The following SPAG16 variants were observed in gnomAD, a reference collection of about 807,000 sequenced individuals.
SPAG16 encodes the protein sperm-associated antigen 16 protein.
SPAG16 carries 86 observed loss-of-function variants against 80.4 expected under a neutral mutation model. The observed-to-expected ratio is 1.07, with a 90% CI of 0.90 to 1.28. The LOEUF is 1.28. SPAG16 is among the 50% of genes most tolerant of loss of function. The pLI, the probability that SPAG16 is intolerant of heterozygous loss-of-function variation, is 0.00. For synonymous variants in SPAG16, 294 were observed against 265.9 expected, an observed-to-expected ratio of 1.11 and a Z score of -1.03; for missense variants, 870 against 765.3, an observed-to-expected ratio of 1.14 and a Z score of -1.61.
intron 10 of SPAG16, among the ~76,000 whole-genome samples, chr2:213,592,400 A>G (rs1039780451): frequency 2.0e-5 from 3 of 152,240 alleles, no homozygotes; most frequent in Non-Finnish European, 4.4e-5. Context: ...GTAAGTCTAC[A>G]TACTAATATT....
At chr2:214,398,595 A>G (rs1440193259) in intron 15 of SPAG16, among the ~76,000 whole-genome samples, 1 of 152,236 alleles carries the variant, frequency 6.6e-6, no homozygotes. Flanking sequence ...AGGCTGAATA[A>G]AGAACAAACT....
chr2:214,234,559 T>C (rs1416007525), intron 15 of SPAG16, among the ~76,000 whole-genome samples: 1 of 152,144 alleles, frequency 6.6e-6, no homozygotes, highest in African/African-American at 2.4e-5. Context: ...TGTTGTTTAT[T>C]TGACTTTTTA....
chr2:214,383,429 C>T (rs1318300052), intron 15 of SPAG16, among the ~76,000 whole-genome samples: 1 of 151,810 alleles, frequency 6.6e-6, no homozygotes, highest in Non-Finnish European at 1.5e-5. Flanking sequence ...AAAAATTAGC[C>T]GGGCATGGTG....
Position 214,257,200 on chromosome 2 carries a change from T to TA in SPAG16, c.1720+107942dup, listed in dbSNP as rs550956823. Among the ~76,000 whole-genome samples, 399 of 151,776 alleles carry TA rather than the reference T, an allele frequency of 2.6e-3. 3 individuals carry two copies. The highest frequency in any genetic ancestry group is 8.5e-3 in the African/African-American group (354 of 41,462). ...TCTAATTTTTGAACTGCTGCTAGTA[T>TA]AAAAAAAATGTGATAGATTTTTATA... On this transcript the variant is annotated intron_variant, in intron 15 of 15. Transcript: ENST00000331683.
intron 7 of SPAG16, among the ~76,000 whole-genome samples, chr2:213,357,866 A>G (rs1297270206): frequency 6.6e-6 from 1 of 152,148 alleles, no homozygotes. Flanking sequence ...GGTCTTTACA[A>G]TTTGGCATGT....
intron 10 of SPAG16, among the ~76,000 whole-genome samples, chr2:213,597,745 A>C (rs2060931648): frequency 6.6e-6 from 1 of 152,210 alleles, no homozygotes; most frequent in Non-Finnish European, 1.5e-5. Flanking sequence ...GCTTGAAGGA[A>C]ATAAAAACTT....
chr2:213,830,592 G>A (rs2073577490), intron 10 of SPAG16, among the ~76,000 whole-genome samples: 1 of 152,124 alleles, frequency 6.6e-6, no homozygotes, highest in African/African-American at 2.4e-5. Flanking sequence ...TCTCCAGTAA[G>A]TTGTTCTTTT....
chr2:213,593,934 C>T (rs1238171579), intron 10 of SPAG16, among the ~76,000 whole-genome samples: 1 of 151,302 alleles, frequency 6.6e-6, no homozygotes, highest in East Asian at 1.9e-4. Context: ...ACCACCACGC[C>T]CGGCTAATTT....
intron 15 of SPAG16, among the ~76,000 whole-genome samples, chr2:214,392,707 A>AG (rs1329529872): frequency 6.6e-6 from 1 of 151,728 alleles, no homozygotes; most frequent in African/African-American, 2.4e-5. Flanking sequence ...GGAAAAAAAA[A>AG]AAAAGATCAT....
At chr2:213,807,378 T>C (rs944823035) in intron 10 of SPAG16, among the ~76,000 whole-genome samples, 1 of 152,114 alleles carries the variant, frequency 6.6e-6, no homozygotes, top group African/African-American at 2.4e-5. Context: ...GTGCCATTCA[T>C]TCTGTCACCT....
chr2:214,173,930 T>A (rs965181410), intron 15 of SPAG16, among the ~76,000 whole-genome samples: 3 of 151,814 alleles, frequency 2.0e-5, no homozygotes, highest in East Asian at 3.9e-4. Context: ...TATATGCAAA[T>A]CAATAAATGT....
At chr2:213,936,962 GA>G (rs2079015749) in intron 12 of SPAG16, among the ~76,000 whole-genome samples, 1 of 152,072 alleles carries the variant, frequency 6.6e-6, no homozygotes, top group Non-Finnish European at 1.5e-5. Flanking sequence ...GATAAATTAA[GA>G]AAGAGGAAAT....
chr2:213,586,771 G>C (rs2060489117), intron 10 of SPAG16, among the ~76,000 whole-genome samples: 1 of 152,188 alleles, frequency 6.6e-6, no homozygotes, highest in Admixed American at 6.5e-5. Context: ...TACAATGATG[G>C]GGTAGACACG....
At chr2:214,018,316 A>G (rs895415860) in intron 13 of SPAG16, among the ~76,000 whole-genome samples, 25 of 152,168 alleles carry the variant, frequency 1.6e-4, no homozygotes, top group Middle Eastern at 3.2e-3. Flanking sequence ...TTATACTGTT[A>G]TATACATTGT....
intron 10 of SPAG16, among the ~76,000 whole-genome samples, chr2:213,511,939 G>A (rs556278730): frequency 1.3e-5 from 2 of 151,416 alleles, no homozygotes; most frequent in African/African-American, 4.9e-5. Context: ...TTTGAGCTTT[G>A]TTTTCTTTAT....
At chr2:214,390,343 A>ATTTT (rs1309716108) in intron 15 of SPAG16, among the ~76,000 whole-genome samples, 47,491 of 111,634 alleles carry the variant, frequency 0.43, 9,906 homozygotes, top group Non-Finnish European at 0.57. Context: ...TTTTTTTTTA[A>ATTTT]AAAAAAAAAA....
chr2:214,087,747 C>T (rs2051875796), intron 13 of SPAG16, among the ~76,000 whole-genome samples: 2 of 151,998 alleles, frequency 1.3e-5, no homozygotes, highest in African/African-American at 4.8e-5. Context: ...TCAAAAATTA[C>T]AGCATAAGTA....
At chr2:214,027,313 G>A (rs1441763714) in intron 13 of SPAG16, among the ~76,000 whole-genome samples, 1 of 151,246 alleles carries the variant, frequency 6.6e-6, no homozygotes. Context: ...TATTGTATAA[G>A]CATTCTCATT....
chr2:213,896,592 G>GTATATATATATATA (rs1553657367), intron 11 of SPAG16, among the ~76,000 whole-genome samples: 1 of 111,878 alleles, frequency 8.9e-6, no homozygotes, highest in African/African-American at 3.4e-5. Flanking sequence ...ACACACACAC[G>GTATATATATATATA]CACACACACA....
Sources: gnomAD v4.1 joint callset for allele counts (sites outside exome capture counted in the v4.1 genomes callset) on GRCh38, gnomAD v4.1.1 for gene constraint, MANE v1.5 for transcripts, NCBI Gene and HGNC (gene_info 2026-07-23, HGNC 2026-07-21) for gene names.